Variants in POM121C observed in about 807,000 individuals in gnomAD.
POM121C encodes nuclear envelope pore membrane protein POM 121C.
Under a neutral mutation model 66.4 loss-of-function variants are expected in POM121C, and 20 were observed. The observed-to-expected ratio is 0.30, with a 90% confidence interval of 0.21 to 0.44. POM121C has a LOEUF of 0.44. Among genes scored for constraint, POM121C ranks in the 20% least tolerant of loss-of-function variants. The pLI is 1.00. For synonymous variants in POM121C, 286 were observed against 528.0 expected (o/e 0.54, Z 6.28); for missense variants, 580 against 1,225.7 (o/e 0.47, Z 7.87).
At chr7:75,437,485 C>T (rs1554473157) in intron 7 of POM121C, 30 bp downstream of exon 7, 3 of 1,584,042 alleles carry the variant, frequency 1.9e-6, no homozygotes, top group Non-Finnish European at 2.6e-6. Flanking sequence ...GGAATTCATG[C>T]CCCCCACATT....
intron 3 of POM121C, among the ~76,000 whole-genome samples, chr7:75,451,885 C>T (rs1198501380): frequency 6.6e-5 from 10 of 151,358 alleles, no homozygotes; most frequent in Admixed American, 3.3e-4. Flanking sequence ...GTGGGCAAAG[C>T]GCCAGGCACG....
chr7:75,479,648 T>C (rs1355322836), intron 1 of POM121C, among the ~76,000 whole-genome samples: 62 of 147,894 alleles, frequency 4.2e-4, no homozygotes, highest in African/African-American at 1.5e-3. Flanking sequence ...AATAAATAAA[T>C]AAATACAGTT....
At chr7:75,452,400 G>A (rs1234960446) in intron 3 of POM121C, among the ~76,000 whole-genome samples, 2 of 152,152 alleles carry the variant, frequency 1.3e-5, no homozygotes, top group African/African-American at 4.8e-5. Flanking sequence ...GTGGGAGGCA[G>A]AGGAGGAGCC....
At position 75,418,288 on chromosome 7, in the gene POM121C, G is replaced by GA; in HGVS notation, c.*507dup. 2 of 959,546 alleles carry GA rather than the reference G, an allele frequency of 2.1e-6. No homozygotes were observed. The highest frequency in any genetic ancestry group is 2.5e-6 in the Non-Finnish European group (2 of 806,082). The allele number at this position is 959,546 out of a possible 1,614,324, so 59.4% of individuals were successfully genotyped here. On this transcript the variant is annotated 3_prime_UTR_variant, in exon 15 of 15. Coordinates refer to ENST00000615331, the MANE Select transcript of POM121C (RefSeq NM_001099415.3). The stretch of plus-strand genomic sequence containing the variant: ...GAACCGGTGAGGGACACAGCAGCAA[G>GA]AAATGGGGAAACAGAGTCCCCAGAA...
intron 3 of POM121C, among the ~76,000 whole-genome samples, chr7:75,461,065 T>G (rs1336276491): frequency 6.6e-6 from 1 of 152,050 alleles, no homozygotes; most frequent in Non-Finnish European, 1.5e-5. Flanking sequence ...AGAAACACTT[T>G]GCAAAAATAG....
chr7:75,459,615 A>G (rs1791379798), intron 3 of POM121C, among the ~76,000 whole-genome samples: 1 of 148,264 alleles, frequency 6.7e-6, no homozygotes, highest in Non-Finnish European at 1.5e-5. Flanking sequence ...AAAAAAAAAA[A>G]AAAAAGAAAG....
chr7:75,482,127 G>C (rs1792330299), intron 1 of POM121C, among the ~76,000 whole-genome samples: 1 of 151,916 alleles, frequency 6.6e-6, no homozygotes, highest in African/African-American at 2.4e-5. Flanking sequence ...GGTGAAACAA[G>C]GGTAACATAA....
chr7:75,456,422 A>G (rs1471576994), intron 3 of POM121C, among the ~76,000 whole-genome samples: 1 of 152,214 alleles, frequency 6.6e-6, no homozygotes, highest in Non-Finnish European at 1.5e-5. Flanking sequence ...CTTGCCACAC[A>G]TTCGTCTATT....
At chr7:75,456,975 G>A (rs1275365690) in intron 3 of POM121C, among the ~76,000 whole-genome samples, 3 of 149,292 alleles carry the variant, frequency 2.0e-5, no homozygotes, top group Non-Finnish European at 4.5e-5. Flanking sequence ...GGTGAAACCC[G>A]ACCTCTACTG....
At chr7:75,435,615 C>T (rs1554472947) in intron 7 of POM121C, among the ~76,000 whole-genome samples, 1 of 152,162 alleles carries the variant, frequency 6.6e-6, no homozygotes, top group Non-Finnish European at 1.5e-5. Context: ...GGACAATTAA[C>T]ATTACTTTAA....
At chr7:75,474,395 A>G (rs1791996450) in intron 3 of POM121C, among the ~76,000 whole-genome samples, 1 of 152,200 alleles carries the variant, frequency 6.6e-6, no homozygotes, top group Non-Finnish European at 1.5e-5. Flanking sequence ...CTCCGTCTCC[A>G]AAAACCAAAC....
chr7:75,443,197 T>C (rs1790727725), intron 3 of POM121C, among the ~76,000 whole-genome samples: 2 of 152,200 alleles, frequency 1.3e-5, no homozygotes, highest in African/African-American at 2.4e-5. Flanking sequence ...ATGGCCCAGA[T>C]ATCGGGTGGA....
chr7:75,418,723 A>G lies in POM121C; in HGVS notation c.*73T>C. 2 of 1,513,780 alleles carry G rather than the reference A, an allele frequency of 1.3e-6. No individual in the cohort carries two copies. The highest frequency in any genetic ancestry group is 2.6e-5 in the South Asian group (2 of 77,304). The allele number at this position is 1,513,780 out of a possible 1,614,324, so 93.8% of individuals were successfully genotyped here. On this transcript the variant is annotated 3_prime_UTR_variant, in exon 15 of 15. Transcript: ENST00000615331. The stretch of plus-strand genomic sequence containing the variant: ...TTGCTTTACGCAGCTGGAAGGGTCC[A>G]AGGCTCTTTCTAGCACGTGCCAAGG...
intron 1 of POM121C, 141 bp downstream of exon 1, chr7:75,485,723 C>T (rs1554480790): frequency 5.3e-6 from 2 of 378,068 alleles, no homozygotes; most frequent in Non-Finnish European, 5.3e-6. Context: ...TTCGGTGCAG[C>T]CGGACCCTGC....
At chr7:75,482,667 G>A (rs1792354479) in intron 1 of POM121C, among the ~76,000 whole-genome samples, 2 of 152,128 alleles carry the variant, frequency 1.3e-5, no homozygotes, top group South Asian at 4.1e-4. Context: ...TCCAACCTGG[G>A]TGACAGAGCA....
intron 13 of POM121C, 73 bp from the exon 14 acceptor site, chr7:75,419,515 G>A (rs1322568422): frequency 6.4e-7 from 1 of 1,562,452 alleles, no homozygotes; most frequent in Non-Finnish European, 8.7e-7. Context: ...GCAGGAGCCT[G>A]TGCTCTGCAG....
intron 7 of POM121C, among the ~76,000 whole-genome samples, chr7:75,434,830 C>T (rs1175707999): frequency 6.6e-6 from 1 of 151,844 alleles, no homozygotes; most frequent in Non-Finnish European, 1.5e-5. Flanking sequence ...CTGCCTCGGA[C>T]TCTCAAAGTG....
At chr7:75,482,957 G>C (rs1227662514) in intron 1 of POM121C, among the ~76,000 whole-genome samples, 5 of 152,212 alleles carry the variant, frequency 3.3e-5, no homozygotes, top group South Asian at 2.1e-4. Flanking sequence ...ACACGGAGAA[G>C]TGAAATGAGA....
intron 3 of POM121C, among the ~76,000 whole-genome samples, chr7:75,453,275 T>TA (rs587669014): frequency 0.13 from 14,443 of 115,106 alleles, 896 homozygotes; most frequent in South Asian, 0.17. Context: ...TACAAAAAGT[T>TA]AAAAAAAAAA....
Sources: gnomAD v4.1 joint callset for allele counts (sites outside exome capture counted in the v4.1 genomes callset) on GRCh38, gnomAD v4.1.1 for gene constraint, MANE v1.5 for transcripts, NCBI Gene and HGNC (gene_info 2026-07-23, HGNC 2026-07-21) for gene names.